ALKBH8: variants seen among roughly 807,000 people sequenced by gnomAD.
ALKBH8 encodes tRNA (carboxymethyluridine(34)-5-O)-methyltransferase ALKBH8.
ALKBH8 carries 36 observed loss-of-function variants against 59.8 expected under a neutral mutation model. That is an observed-to-expected ratio of 0.60 (90% confidence interval 0.46 to 0.79). The LOEUF is 0.79. Among genes scored for constraint, ALKBH8 ranks in the 30% least tolerant of loss-of-function variants. ALKBH8 has a pLI of 0.00. For missense variants in ALKBH8, 768 were observed against 801.0 expected, an observed-to-expected ratio of 0.96 and a Z score of 0.50; for synonymous variants, 276 against 273.6, an observed-to-expected ratio of 1.01 and a Z score of -0.09.
chr11:107,561,004 A>T (rs1188031004), intron 1 of ALKBH8, 105 bp from the exon 2 acceptor site: 1 of 1,080,482 alleles, frequency 9.3e-7, no homozygotes, highest in Non-Finnish European at 1.3e-6. Context: ...TTTCTGTGAC[A>T]ATTTTTTAAA....
intron 7 of ALKBH8, among the ~76,000 whole-genome samples, chr11:107,546,388 G>A (rs930256431): frequency 6.6e-6 from 1 of 152,114 alleles, no homozygotes; most frequent in African/African-American, 2.4e-5. Flanking sequence ...TGCAATTTAC[G>A]GCAGGACAAA....
At chr11:107,522,652 G>T (rs1863167745) in intron 9 of ALKBH8, 97 bp from the exon 10 acceptor site, 1 of 1,351,382 alleles carries the variant, frequency 7.4e-7, no homozygotes, top group Admixed American at 2.8e-5. Context: ...ATGCAAATTT[G>T]GTGGGTAGAC....
intron 7 of ALKBH8, among the ~76,000 whole-genome samples, chr11:107,535,551 T>C (rs1863779624): frequency 6.6e-6 from 1 of 152,216 alleles, no homozygotes; most frequent in South Asian, 2.1e-4. Context: ...CACTTGTATA[T>C]TGTCTTTTAA....
chr11:107,549,969 T>C (rs1864423532), intron 6 of ALKBH8, 146 bp from the exon 7 acceptor site: 4 of 561,736 alleles, frequency 7.1e-6, no homozygotes, highest in Non-Finnish European at 1.3e-5. Context: ...AGGAAACATT[T>C]AGGGTGAATG....
chr11:107,505,917 G>A (rs1010275011), intron 11 of ALKBH8, among the ~76,000 whole-genome samples: 29 of 152,216 alleles, frequency 1.9e-4, no homozygotes, highest in Non-Finnish European at 1.0e-4. Flanking sequence ...CAGAGTCACA[G>A]ATAAAGGAGA....
intron 1 of ALKBH8, among the ~76,000 whole-genome samples, chr11:107,561,921 A>C (rs1048535270): frequency 1.3e-5 from 2 of 152,248 alleles, no homozygotes; most frequent in Non-Finnish European, 2.9e-5. Flanking sequence ...GTGGAAAACA[A>C]ACACTAAACA....
chr11:107,551,835 T>C lies in ALKBH8; in HGVS notation c.673A>G (p.Thr225Ala). 1 of 1,544,844 alleles carries C rather than the reference T, an allele frequency of 6.5e-7. No individual in the cohort carries two copies. Among genetic ancestry groups the C allele is most frequent in the Non-Finnish European group, 8.7e-7 (1 of 1,153,706 alleles). Residue 225 changes from threonine (T) to alanine (A), a missense_variant, in exon 6 of 12, where the codon ACC becomes GCC. Transcript: ENST00000428149. ...TGCCCAGGTTCATACTGATTTATGG[T>C]CATTTGATCAGGTTTATGTTTAATG... ...GYIKHKPDQM[T>A]INQYEPGQGI... is the part of the protein sequence containing the mutation.
At chr11:107,550,464 G>T (rs1348760009) in intron 6 of ALKBH8, among the ~76,000 whole-genome samples, 2 of 152,192 alleles carry the variant, frequency 1.3e-5, no homozygotes, top group Non-Finnish European at 2.9e-5. Flanking sequence ...TTCAGAGCCA[G>T]CTGGTTTGCA....
chr11:107,521,863 G>A (rs971248990), intron 10 of ALKBH8, among the ~76,000 whole-genome samples: 2 of 152,062 alleles, frequency 1.3e-5, no homozygotes, highest in Non-Finnish European at 2.9e-5. Context: ...ATAGGTTCAA[G>A]TTCCAGTTAT....
Position 107,504,460 on chromosome 11 carries a change from C to A in ALKBH8, c.*198G>T. 2.8e-6 allele frequency: 2 copies of A among 707,768 alleles called. No homozygotes were observed. The highest frequency in any genetic ancestry group is 2.5e-6 in the Non-Finnish European group (1 of 404,518). The allele number at this position is 707,768 out of a possible 1,614,324, so 43.8% of individuals were successfully genotyped here. On this transcript the variant is annotated 3_prime_UTR_variant, in exon 12 of 12. Transcript: ENST00000428149. ...ACCTCTCCTAGGGAAGTAGGAGGAG[C>A]CAACACCACATCTGTGATGTCAGCC... is the stretch of plus-strand genomic sequence containing the variant.
At chr11:107,560,980 A>G (rs1864914758) in intron 1 of ALKBH8, 81 bp from the exon 2 acceptor site, 2 of 1,251,882 alleles carry the variant, frequency 1.6e-6, no homozygotes, top group Middle Eastern at 2.8e-4. Context: ...CATACATTCT[A>G]TAGTTTATCA....
At chr11:107,557,676 G>A (rs558068082) in intron 2 of ALKBH8, among the ~76,000 whole-genome samples, 8 of 152,306 alleles carry the variant, frequency 5.3e-5, no homozygotes, top group South Asian at 2.1e-4. Context: ...TTCAGACTAA[G>A]TAATTCAGTC....
At chr11:107,524,120 G>A (rs115142916) in intron 9 of ALKBH8, among the ~76,000 whole-genome samples, 1,591 of 151,890 alleles carry the variant, frequency 0.01, 25 homozygotes, top group African/African-American at 0.035. Context: ...TGCAAGTGGC[G>A]CGATCATAGC....
chr11:107,507,904 T>G (rs566899695), intron 11 of ALKBH8, among the ~76,000 whole-genome samples: 157 of 152,326 alleles, frequency 1.0e-3, no homozygotes, highest in African/African-American at 3.7e-3. Context: ...TTCTACCCTA[T>G]ATCATCTTTC....
intron 7 of ALKBH8, among the ~76,000 whole-genome samples, chr11:107,547,875 T>A (rs1864331468): frequency 6.6e-6 from 1 of 152,176 alleles, no homozygotes. Context: ...CAAATAGAGA[T>A]AATGAATGCA....
chr11:107,563,175 A>C lies in ALKBH8; in HGVS notation c.-6-2276T>G, dbSNP rs146955078. Among the ~76,000 whole-genome samples the C allele has an allele frequency of 2.8e-3, 432 of 152,344 alleles. 1 individual carries two copies. Among genetic ancestry groups the C allele is most frequent in the African/African-American group, 9.5e-3 (394 of 41,572 alleles). ...CTGAGGTTAAAAAGGTTTAGGAGTC[A>C]GTCGTCATTAAGACAGGAAGGGGAT... On this transcript the variant is annotated intron_variant, in intron 1 of 11. Transcript: ENST00000428149.
Position 107,553,160 on chromosome 11 carries a change from A to G in ALKBH8, c.543T>C (p.Tyr181=). The change falls in exon 5 of 12, where the codon TAT becomes TAC. Residue 181 remains tyrosine (Y), a synonymous_variant. Transcript: ENST00000428149. Reference sequence around the variant, plus strand: ...CATTGTTGTTCTCATAGTGGAACTCATAACCAAAATGCTTTACTCTTCTGT... The same window carrying G: ...CATTGTTGTTCTCATAGTGGAACTCGTAACCAAAATGCTTTACTCTTCTGT... ...LKHRRVKHFG[Y]EFHYENNNVD... is the part of the protein sequence containing the mutation. 3.1e-6 allele frequency: 5 copies of G among 1,610,152 alleles called. No homozygotes were observed. Among genetic ancestry groups the G allele is most frequent in the Non-Finnish European group, 4.2e-6 (5 of 1,178,196 alleles).
At chr11:107,527,113 A>G (rs1008209580) in intron 8 of ALKBH8, among the ~76,000 whole-genome samples, 2 of 151,956 alleles carry the variant, frequency 1.3e-5, no homozygotes, top group African/African-American at 4.8e-5. Flanking sequence ...TTTTGACTGG[A>G]ATTACACTGT....
intron 9 of ALKBH8, among the ~76,000 whole-genome samples, chr11:107,525,113 C>T (rs932823993): frequency 2.6e-5 from 4 of 152,108 alleles, no homozygotes; most frequent in Non-Finnish European, 5.9e-5. Context: ...CCCAACAATA[C>T]CCGTTTTTAA....
Sources: gnomAD v4.1 joint callset for allele counts (sites outside exome capture counted in the v4.1 genomes callset) on GRCh38, gnomAD v4.1.1 for gene constraint, MANE v1.5 for transcripts, NCBI Gene and HGNC (gene_info 2026-07-23, HGNC 2026-07-21) for gene names.